GRID2: variants seen among roughly 807,000 people sequenced by gnomAD.
The protein encoded by GRID2 is glutamate receptor ionotropic, delta-2.
In GRID2, 33 loss-of-function variants were observed where a neutral mutation model predicts 114.8. The ratio of observed to expected loss-of-function variants is 0.29; its 90% CI spans 0.22 to 0.38. GRID2 has a LOEUF of 0.38. GRID2 is among the 10% of genes least tolerant of loss of function. The pLI is 1.00. For missense variants in GRID2, 1,184 were observed against 1,257.7 expected (o/e 0.94, Z 0.89); for synonymous variants, 505 against 449.9 (o/e 1.12, Z -1.55).
At chr4:92,891,621 A>G (rs1029968397) in intron 2 of GRID2, among the ~76,000 whole-genome samples, 12 of 152,152 alleles carry the variant, frequency 7.9e-5, no homozygotes, top group Non-Finnish European at 1.3e-4. Context: ...TTTCTATTTT[A>G]ATGAGCTAGG....
chr4:92,488,050 C>T (rs1206917190), intron 1 of GRID2, among the ~76,000 whole-genome samples: 8 of 151,972 alleles, frequency 5.3e-5, no homozygotes, highest in Admixed American at 3.9e-4. Flanking sequence ...TCAACTGTGT[C>T]GATTCTGTTG....
intron 2 of GRID2, among the ~76,000 whole-genome samples, chr4:93,031,549 G>A (rs1464820722): frequency 6.6e-6 from 1 of 152,068 alleles, no homozygotes; most frequent in Admixed American, 6.6e-5. Flanking sequence ...GGGAGGAATT[G>A]AATCATGGGG....
intron 1 of GRID2, among the ~76,000 whole-genome samples, chr4:92,520,205 C>T (rs1370949805): frequency 1.3e-5 from 2 of 151,652 alleles, no homozygotes; most frequent in African/African-American, 4.8e-5. Flanking sequence ...TAAACCCTTC[C>T]CCAGAAGAGG....
At chr4:93,055,818 A>C (rs1232577888) in intron 2 of GRID2, among the ~76,000 whole-genome samples, 4 of 151,978 alleles carry the variant, frequency 2.6e-5, no homozygotes, top group Non-Finnish European at 5.9e-5. Flanking sequence ...TACAAATACA[A>C]GAATATGTAT....
At chr4:93,750,478 A>T (rs919949913) in intron 14 of GRID2, among the ~76,000 whole-genome samples, 1 of 152,218 alleles carries the variant, frequency 6.6e-6, no homozygotes, top group African/African-American at 2.4e-5. Flanking sequence ...TTCTGTTAAA[A>T]GGTGGTCTTG....
At position 93,655,872 on chromosome 4, in the gene GRID2, A is replaced by G. The variant is rs535572260; in HGVS notation, c.2360+29437A>G. Reference sequence around the variant, plus strand: ...GATGTACACTCAGAAAAGTCATTACAGTGATATATACACCAATGGGATTCA... The same window carrying G: ...GATGTACACTCAGAAAAGTCATTACGGTGATATATACACCAATGGGATTCA... On this transcript the variant is annotated intron_variant, in intron 14 of 15. Transcript: ENST00000282020. 2.8e-4 allele frequency among the ~76,000 whole-genome samples: 43 copies of G among 152,166 alleles called. No homozygotes were observed. In the South Asian group the frequency reaches 4.1e-3, roughly 15 times the overall value.
At chr4:92,571,392 A>G (rs1204538036) in intron 1 of GRID2, among the ~76,000 whole-genome samples, 1 of 152,164 alleles carries the variant, frequency 6.6e-6, no homozygotes, top group Non-Finnish European at 1.5e-5. Context: ...GCAAGTCTTT[A>G]GAGACCTACA....
At chr4:93,196,865 C>G (rs1160278935) in intron 4 of GRID2, among the ~76,000 whole-genome samples, 5 of 152,058 alleles carry the variant, frequency 3.3e-5, no homozygotes, top group African/African-American at 1.2e-4. Flanking sequence ...GGTTAAGTGT[C>G]AGGTGCAAAT....
chr4:93,596,688 G>T (rs114089713), intron 13 of GRID2, among the ~76,000 whole-genome samples: 1 of 152,196 alleles, frequency 6.6e-6, no homozygotes, highest in Non-Finnish European at 1.5e-5. Flanking sequence ...ATTGTTTTGT[G>T]TTGTAGCATT....
At chr4:93,004,007 T>C (rs1475559977) in intron 2 of GRID2, among the ~76,000 whole-genome samples, 2 of 152,028 alleles carry the variant, frequency 1.3e-5, no homozygotes, top group East Asian at 1.9e-4. Context: ...AGTGTGACTA[T>C]TGATATCTTT....
intron 11 of GRID2, among the ~76,000 whole-genome samples, chr4:93,471,113 A>T (rs1724760896): frequency 6.6e-6 from 1 of 152,154 alleles, no homozygotes; most frequent in Middle Eastern, 3.2e-3. Flanking sequence ...ATATTAAAAT[A>T]TAGATTTAAT....
intron 8 of GRID2, among the ~76,000 whole-genome samples, chr4:93,307,258 CTATTGTGG>C (rs1481586374): frequency 3.3e-5 from 5 of 151,338 alleles, no homozygotes; most frequent in Non-Finnish European, 7.4e-5. Context: ...AAGAAATAAC[CTATTGTGG>C]TATTGTGGTA....
intron 4 of GRID2, among the ~76,000 whole-genome samples, chr4:93,121,154 AT>A (rs770066294): frequency 2.6e-5 from 4 of 152,130 alleles, no homozygotes; most frequent in African/African-American, 2.4e-5. Context: ...TAAATGACAC[AT>A]TTTTTTCTAA....
intron 2 of GRID2, among the ~76,000 whole-genome samples, chr4:92,925,109 C>A (rs1438701766): frequency 2.0e-5 from 3 of 152,072 alleles, no homozygotes; most frequent in African/African-American, 7.2e-5. Flanking sequence ...GTTTTCCACA[C>A]CTTCCTGTAA....
chr4:93,780,368 C>T (rs151337677), intron 1 of GRID2, among the ~76,000 whole-genome samples: 8 of 152,184 alleles, frequency 5.3e-5, no homozygotes, highest in East Asian at 3.9e-4. Context: ...AATAGCGAGA[C>T]GATCAATTCA....
In GRID2 at chr4:93,207,397, A is replaced by T. The variant is rs1378568676; in HGVS notation, c.736-7A>T. The stretch of plus-strand genomic sequence containing the variant: ...TTGACTGATAGCTGATTTGTTTTCT[A>T]TTCTAGGTTGTGGAGACTAATTTGG... On this transcript the variant is annotated splice_polypyrimidine_tract_variant and splice_region_variant and intron_variant, in intron 4 of 15. Transcript: ENST00000282020. 1.3e-6 allele frequency: 2 copies of T among 1,587,464 alleles called. No homozygotes were observed. Among genetic ancestry groups the T allele is most frequent in the Admixed American group, 1.7e-5 (1 of 59,776 alleles).
Position 92,641,406 on chromosome 4 carries a change from G to A in GRID2, c.244+51120G>A, listed in dbSNP as rs137875560. Among the ~76,000 whole-genome samples the A allele has an allele frequency of 9.4e-3, 1,419 of 150,992 alleles. 25 individuals carry two copies. The highest frequency in any genetic ancestry group is 0.031 in the African/African-American group (1,289 of 41,210). ...CTCAAGCAATCCTCTGTGTCTCTGG[G>A]ACTACAGGAACATACATGCCACCGA... On this transcript the variant is annotated intron_variant, in intron 2 of 15. Coordinates refer to ENST00000282020, the MANE Select transcript of GRID2 (RefSeq NM_001510.4).
In GRID2 at chr4:92,863,462, G is replaced by A. The variant is rs541095439; in HGVS notation, c.245-221533G>A. ...TTCAGGCAACTAGAATGACAAAAGT[G>A]GATATCAATAAATGACAACGGAAAA... On this transcript the variant is annotated intron_variant, in intron 2 of 15. Transcript: ENST00000282020. Among the ~76,000 whole-genome samples, 5 of 152,180 alleles carry A rather than the reference G, an allele frequency of 3.3e-5. No individual in the cohort carries two copies. The East Asian group carries it at 9.7e-4, about 29-fold the overall frequency.
chr4:93,528,179 C>T (rs1199733624), intron 13 of GRID2, among the ~76,000 whole-genome samples: 1 of 151,376 alleles, frequency 6.6e-6, no homozygotes, highest in Non-Finnish European at 1.5e-5. Context: ...TACATATACA[C>T]ACACACACAT....
Sources: allele counts gnomAD v4.1 joint callset (sites outside exome capture counted in the v4.1 genomes callset), GRCh38; gene constraint gnomAD v4.1.1; transcripts MANE v1.5; gene names NCBI Gene and HGNC (gene_info 2026-07-23, HGNC 2026-07-21).